DGKK: variants seen among roughly 807,000 people sequenced by gnomAD.
DGKK encodes the protein 142 kDa diacylglycerol kinase.
In DGKK, 35 loss-of-function variants were observed where a neutral mutation model predicts 92.2. The observed-to-expected ratio is 0.38, with a 90% confidence interval of 0.29 to 0.50. The LOEUF is 0.50. DGKK is among the 20% of genes least tolerant of loss of function. The probability of loss-of-function intolerance (pLI) is 0.92; values close to 1 mark genes in which losing one functional copy is unlikely to be tolerated. For synonymous variants in DGKK, 368 were observed against 360.6 expected, an observed-to-expected ratio of 1.02 and a Z score of -0.23; for missense variants, 910 against 992.2, an observed-to-expected ratio of 0.92 and a Z score of 1.11.
chrX:50,371,282 A>G (rs1200190949), intron 26 of DGKK, among the ~76,000 whole-genome samples: 1 of 111,822 alleles, frequency 8.9e-6, no homozygotes, highest in Non-Finnish European at 1.9e-5. Flanking sequence ...AGATTTAACC[A>G]CCAGTATGGC....
rs1227579826 is a variant in DGKK, at chrX:50,384,714, C to A, written c.2452+6G>T. 8 of 1,201,406 alleles carry A rather than the reference C, an allele frequency of 6.7e-6. No individual in the cohort carries two copies. Among genetic ancestry groups the A allele is most frequent in the Non-Finnish European group, 9.0e-6 (8 of 889,182 alleles). On this transcript the variant is annotated splice_donor_region_variant and intron_variant, in intron 16 of 27. Transcript: ENST00000611977. ...GAATAAGGGAAGAAGACAGAAAGATCCTTACGGCGTCGTGGGCTTGTCTGG... is the reference window on the plus strand; with the variant it reads ...GAATAAGGGAAGAAGACAGAAAGATACTTACGGCGTCGTGGGCTTGTCTGG...
intron 9 of DGKK, 101 bp downstream of exon 9, chrX:50,393,051 C>A (rs1924741398): frequency 4.1e-6 from 3 of 723,093 alleles, no homozygotes; most frequent in Non-Finnish European, 2.0e-6. Flanking sequence ...CCTTTCCTGC[C>A]CAAATACAAG....
At chrX:50,428,966 A>G (rs17281440) in intron 1 of DGKK, among the ~76,000 whole-genome samples, 19,871 of 111,629 alleles carry the variant, frequency 0.18, 1,757 homozygotes, top group Middle Eastern at 0.32. Context: ...ATGTAAAACA[A>G]TCTTTACCCG....
intron 1 of DGKK, among the ~76,000 whole-genome samples, chrX:50,431,109 G>A (rs1373806978): frequency 9.0e-6 from 1 of 110,574 alleles, no homozygotes; most frequent in Non-Finnish European, 1.9e-5. Context: ...ATGACTCACT[G>A]TAACCTCAAA....
rs1557224233 is a variant in DGKK at position 50,379,642 on chromosome X, G to T, written c.2847C>A (p.Ser949Arg). Residue 949 changes from serine to arginine, a missense_variant, in exon 20 of 28, where the codon AGC (serine) becomes AGA (arginine). Ser to Arg is a moderately radical substitution (Grantham distance 110, BLOSUM62 -1). Coordinates refer to ENST00000611977, the MANE Select transcript of DGKK (RefSeq NM_001013742.4). ...CCATACTAACCGTGGTTGCTGTGTT[G>T]CTTCCCCAGAAGTTGATACCTCCAG... Reference protein sequence around the residue: ...SYAGGINFWGSNTATTEYEAP... With the variant: ...SYAGGINFWGRNTATTEYEAP... 7.4e-6 allele frequency: 9 copies of T among 1,209,532 alleles called. No individual in the cohort carries two copies. In the African/African-American group the frequency reaches 1.0e-4, roughly 14 times the overall value.
Position 50,470,616 on chromosome X carries a change from A to T in DGKK, c.63T>A (p.Ala21=). The change falls in exon 1 of 28, where the codon GCT becomes GCA. Residue 21 remains alanine (A), a synonymous_variant. Transcript: ENST00000611977. ...TAPPQDGEQP[A]ESPEPPPPWP... ...AAGGCGGCGGAGGCTCTGGAGACTC[A>T]GCGGGCTGCTCTCCATCCTGAGGCG... 1 of 1,173,671 alleles carries T rather than the reference A, an allele frequency of 8.5e-7. No homozygotes were observed. Among genetic ancestry groups the T allele is most frequent in the Non-Finnish European group, 1.1e-6 (1 of 881,144 alleles).
At chrX:50,418,458 A>T (rs1925491235) in intron 4 of DGKK, among the ~76,000 whole-genome samples, 1 of 111,557 alleles carries the variant, frequency 9.0e-6, no homozygotes, top group African/African-American at 3.3e-5. Context: ...TTACTTTGTC[A>T]CCACTTTAAT....
intron 3 of DGKK, among the ~76,000 whole-genome samples, chrX:50,421,169 G>A (rs1557229107): frequency 9.0e-6 from 1 of 111,357 alleles, no homozygotes; most frequent in African/African-American, 3.3e-5. Context: ...AACCCTGCTT[G>A]GCACAAGAAC....
intron 4 of DGKK, among the ~76,000 whole-genome samples, chrX:50,418,021 C>T (rs1557228737): frequency 9.0e-6 from 1 of 111,428 alleles, no homozygotes; most frequent in African/African-American, 3.3e-5. Flanking sequence ...TCAGCTTTTG[C>T]TTATACCAGT....
chrX:50,467,587 G>A (rs782568389), intron 1 of DGKK, among the ~76,000 whole-genome samples: 2 of 113,053 alleles, frequency 1.8e-5, no homozygotes, highest in South Asian at 7.3e-4. Context: ...TTAGGGGTGT[G>A]TGCACGCCTG....
rs200145224 is a variant in DGKK, at chrX:50,401,084, C to T, written c.1364G>A (p.Arg455His). Residue 455 changes from arginine to histidine, a missense_variant, in exon 8 of 28, where the codon CGC (arginine) becomes CAC (histidine). Coordinates refer to ENST00000611977, the MANE Select transcript of DGKK (RefSeq NM_001013742.4). ...FSKECCFRSH[R>H]SSVIPPTALS... Reference sequence around the variant, plus strand: ...AGCAGTGGGAGGAATGACTGATGAGCGATGGCTTCTGAAGCAACATTCCTT... The same window carrying T: ...AGCAGTGGGAGGAATGACTGATGAGTGATGGCTTCTGAAGCAACATTCCTT... 8.3e-6 allele frequency: 10 copies of T among 1,202,256 alleles called. No homozygotes were observed. The highest frequency in any genetic ancestry group is 3.0e-5 in the East Asian group (1 of 33,628).
chrX:50,424,850 A>G (rs1925693133), intron 1 of DGKK, among the ~76,000 whole-genome samples: 1 of 111,476 alleles, frequency 9.0e-6, no homozygotes, highest in Admixed American at 9.5e-5. Flanking sequence ...ACACGTTTAG[A>G]GCCAAATCCA....
At chrX:50,383,123 T>C (rs1404912299) in intron 17 of DGKK, among the ~76,000 whole-genome samples, 1 of 111,941 alleles carries the variant, frequency 8.9e-6, no homozygotes, top group Non-Finnish European at 1.9e-5. Flanking sequence ...TTGTCAAGTC[T>C]CCTGTGTCCA....
At chrX:50,457,790 ATTT>A (rs1424153087) in intron 1 of DGKK, among the ~76,000 whole-genome samples, 1 of 111,612 alleles carries the variant, frequency 9.0e-6, no homozygotes, top group African/African-American at 3.3e-5. Flanking sequence ...TTTACCACAT[ATTT>A]TTAGTTATAT....
intron 4 of DGKK, among the ~76,000 whole-genome samples, chrX:50,415,824 C>T: frequency 8.9e-6 from 1 of 112,182 alleles, no homozygotes; most frequent in Non-Finnish European, 1.9e-5. Flanking sequence ...TTGTCCAAGG[C>T]TGTCTCACCC....
chrX:50,390,035 T>G (rs1264761426), intron 12 of DGKK, among the ~76,000 whole-genome samples: 1 of 112,442 alleles, frequency 8.9e-6, no homozygotes, highest in Non-Finnish European at 1.9e-5. Flanking sequence ...TCTATTCAAG[T>G]AGACTATGTC....
At chrX:50,398,192 G>T (rs1445589258) in intron 8 of DGKK, among the ~76,000 whole-genome samples, 1 of 111,775 alleles carries the variant, frequency 8.9e-6, no homozygotes, top group Non-Finnish European at 1.9e-5. Flanking sequence ...TCAGCTGGGT[G>T]CTGAAGAAAG....
chrX:50,411,683 T>G (rs1170803217), intron 4 of DGKK, among the ~76,000 whole-genome samples: 1 of 112,095 alleles, frequency 8.9e-6, no homozygotes, highest in Non-Finnish European at 1.9e-5. Flanking sequence ...TCTCATCACT[T>G]CTTTTCAAAT....
At chrX:50,392,005 A>G (rs1557225589) in intron 10 of DGKK, among the ~76,000 whole-genome samples, 1 of 109,376 alleles carries the variant, frequency 9.1e-6, no homozygotes, top group Non-Finnish European at 1.9e-5. Flanking sequence ...CAAGGAAGAA[A>G]ATCAGTGGGT....
Sources: allele counts gnomAD v4.1 joint callset (sites outside exome capture counted in the v4.1 genomes callset), GRCh38; gene constraint gnomAD v4.1.1; transcripts MANE v1.5; gene names NCBI Gene and HGNC (gene_info 2026-07-23, HGNC 2026-07-21).